The following HEMK2 variants were observed in gnomAD, a reference collection of about 807,000 sequenced individuals.
HEMK2 encodes the protein methyltransferase HEMK2.
At chr21:28,741,036 C>T in the HEMK2 span, among the ~76,000 whole-genome samples, 2 of 152,146 alleles carry the variant, frequency 1.3e-5, no homozygotes, top group African/African-American at 4.8e-5. Flanking sequence ...GGTTAATATA[C>T]ACATGTGTTA....
the HEMK2 span, among the ~76,000 whole-genome samples, chr21:28,759,360 T>C: frequency 6.6e-6 from 1 of 152,158 alleles, no homozygotes; most frequent in African/African-American, 2.4e-5. Context: ...TTGGCCAATT[T>C]CTCCCATTTG....
chr21:28,796,001 G>A, the HEMK2 span, among the ~76,000 whole-genome samples: 1 of 152,102 alleles, frequency 6.6e-6, no homozygotes, highest in Non-Finnish European at 1.5e-5. Flanking sequence ...GTCCCAGGGG[G>A]CCTTGTGCCC....
At chr21:28,717,226 T>A in the HEMK2 span, among the ~76,000 whole-genome samples, 1 of 152,146 alleles carries the variant, frequency 6.6e-6, no homozygotes, top group Non-Finnish European at 1.5e-5. Flanking sequence ...AGAATTCAGA[T>A]ATGAATCCAT....
At chr21:28,863,012 G>T in the HEMK2 span, among the ~76,000 whole-genome samples, 1 of 152,098 alleles carries the variant, frequency 6.6e-6, no homozygotes, top group Admixed American at 6.5e-5. Flanking sequence ...AAGTTGACAA[G>T]GGGTGGATTT....
chr21:28,775,374 C>G, the HEMK2 span, among the ~76,000 whole-genome samples: 2 of 152,094 alleles, frequency 1.3e-5, no homozygotes, highest in African/African-American at 4.8e-5. Flanking sequence ...GCAGAACATT[C>G]AGGAAAACAA....
chr21:28,876,428 G>A, the HEMK2 span: 26 of 1,611,778 alleles, frequency 1.6e-5, no homozygotes, highest in East Asian at 2.2e-5. Flanking sequence ...TTCTTGGCCT[G>A]CTTGTCTGGA....
chr21:28,796,723 C>T, the HEMK2 span, among the ~76,000 whole-genome samples: 1 of 152,076 alleles, frequency 6.6e-6, no homozygotes, highest in Non-Finnish European at 1.5e-5. Context: ...TGCCACTATA[C>T]TCAGCTAATT....
At chr21:28,878,294 T>C in the HEMK2 span, 1 of 1,613,276 alleles carries the variant, frequency 6.2e-7, no homozygotes, top group East Asian at 2.2e-5. Context: ...CGACCATTTC[T>C]GCCACCAGCC....
At chr21:28,786,645 T>C in the HEMK2 span, among the ~76,000 whole-genome samples, 1 of 148,102 alleles carries the variant, frequency 6.8e-6, no homozygotes, top group African/African-American at 2.5e-5. Context: ...CACTCCAGCC[T>C]GGGTGATAAG....
the HEMK2 span, among the ~76,000 whole-genome samples, chr21:28,811,015 T>TA: frequency 6.6e-6 from 1 of 152,144 alleles, no homozygotes; most frequent in Admixed American, 6.6e-5. Flanking sequence ...ATGAAAAGGC[T>TA]AAGTTGTGCA....
At chr21:28,608,585 G>A in the HEMK2 span, among the ~76,000 whole-genome samples, 1 of 152,154 alleles carries the variant, frequency 6.6e-6, no homozygotes, top group Non-Finnish European at 1.5e-5. Flanking sequence ...GATGGCTATT[G>A]CAGGCTCTGT....
chr21:28,825,886 A>G, the HEMK2 span, among the ~76,000 whole-genome samples: 1 of 152,206 alleles, frequency 6.6e-6, no homozygotes, highest in Non-Finnish European at 1.5e-5. Flanking sequence ...ACTACAGCCT[A>G]GATCCACCTA....
the HEMK2 span, among the ~76,000 whole-genome samples, chr21:28,838,973 ATATATAT>A: frequency 1.2e-3 from 26 of 22,510 alleles, no homozygotes; most frequent in South Asian, 1.9e-3. Flanking sequence ...AAAAAAAAAA[ATATATAT>A]ATATATATAT....
At chr21:28,653,895 A>G in the HEMK2 span, among the ~76,000 whole-genome samples, 1 of 152,210 alleles carries the variant, frequency 6.6e-6, no homozygotes, top group Non-Finnish European at 1.5e-5. Context: ...GATTAGCAAA[A>G]GAAAAAACTG....
the HEMK2 span, among the ~76,000 whole-genome samples, chr21:28,713,908 A>T: frequency 6.6e-6 from 1 of 152,242 alleles, no homozygotes; most frequent in Non-Finnish European, 1.5e-5. Context: ...TTCTATGCAC[A>T]TTATATACGC....
At chr21:28,662,032 A>G in the HEMK2 span, among the ~76,000 whole-genome samples, 1 of 152,164 alleles carries the variant, frequency 6.6e-6, no homozygotes, top group African/African-American at 2.4e-5. Flanking sequence ...AGAAAAAGAG[A>G]GACTCTAAGG....
chr21:28,877,183 GGAGGGAGGAAGGA>G, the HEMK2 span, among the ~76,000 whole-genome samples: 1 of 132,768 alleles, frequency 7.5e-6, no homozygotes, highest in Admixed American at 7.6e-5. Context: ...AGAAAGAGAG[GGAGGGAGGAAGGA>G]AGGGAGGGAA....
At chr21:28,809,284 T>C in the HEMK2 span, among the ~76,000 whole-genome samples, 1 of 152,020 alleles carries the variant, frequency 6.6e-6, no homozygotes, top group African/African-American at 2.4e-5. Flanking sequence ...GTTCCAAATA[T>C]AGAGGCAGAG....
the HEMK2 span, among the ~76,000 whole-genome samples, chr21:28,580,111 T>G: frequency 6.6e-6 from 1 of 152,170 alleles, no homozygotes. Context: ...TGAATATAGT[T>G]GATAGGTGAC....
Sources: allele counts gnomAD v4.1 joint callset (sites outside exome capture counted in the v4.1 genomes callset), GRCh38; gene constraint gnomAD v4.1.1; transcripts MANE v1.5; gene names NCBI Gene and HGNC (gene_info 2026-07-23, HGNC 2026-07-21).